Variants in TANC1 observed in about 807,000 individuals in gnomAD.
TANC1 encodes protein TANC1.
A neutral mutation model predicts 149.7 loss-of-function variants in TANC1; 77 were observed. That is an observed-to-expected ratio of 0.51 (90% CI 0.43 to 0.62). The LOEUF is 0.62. TANC1 is among the 20% of genes least tolerant of loss of function. The pLI, the probability that TANC1 is intolerant of heterozygous loss-of-function variation, is 0.00. For synonymous variants in TANC1, 854 were observed against 925.0 expected, an observed-to-expected ratio of 0.92 and a Z score of 1.39; for missense variants, 1,985 against 2,321.8, an observed-to-expected ratio of 0.85 and a Z score of 2.98.
chr2:159,157,493 C>T (rs1476249250), intron 7 of TANC1, among the ~76,000 whole-genome samples: 1 of 152,122 alleles, frequency 6.6e-6, no homozygotes, highest in Non-Finnish European at 1.5e-5. Context: ...TGTGGGTGCA[C>T]AAGAGAGGGA....
At chr2:159,033,181 AGCAGTGGTTTT>A (rs1342836700) in intron 2 of TANC1, among the ~76,000 whole-genome samples, 1 of 152,170 alleles carries the variant, frequency 6.6e-6, no homozygotes. Flanking sequence ...CCCGATTAAA[AGCAGTGGTTTT>A]GCATCTTGTG....
At chr2:159,073,369 A>G (rs769966121) in intron 3 of TANC1, among the ~76,000 whole-genome samples, 1 of 152,184 alleles carries the variant, frequency 6.6e-6, no homozygotes, top group Admixed American at 6.5e-5. Context: ...GGTGGGGGGC[A>G]TACTTGGAGA....
intron 2 of TANC1, among the ~76,000 whole-genome samples, chr2:159,035,206 G>T (rs1463907183): frequency 6.6e-6 from 1 of 151,642 alleles, no homozygotes; most frequent in Non-Finnish European, 1.5e-5. Flanking sequence ...TCTCTATGAA[G>T]TTTTTTTTTG....
At chr2:159,093,985 A>G (rs374492288) in intron 3 of TANC1, among the ~76,000 whole-genome samples, 6 of 152,196 alleles carry the variant, frequency 3.9e-5, no homozygotes, top group African/African-American at 1.4e-4. Flanking sequence ...CTCTTGTGTC[A>G]TGTTGGAGAA....
At position 159,230,211 on chromosome 2, in the gene TANC1, C is replaced by T; in HGVS notation, c.4785C>T (p.Gly1595=). 6.2e-7 allele frequency: 1 copy of T among 1,613,972 alleles called. No individual in the cohort carries two copies. The highest frequency in any genetic ancestry group is 8.5e-7 in the Non-Finnish European group (1 of 1,180,026). The change falls in exon 27 of 27, where the codon GGC becomes GGT. Residue 1595 remains glycine (G), a synonymous_variant. Transcript: ENST00000263635. The surrounding 1 kb of genome is among the most constrained non-coding windows in gnomAD (Gnocchi z 4.4). ...TGTFTTRAGC[G]HFGDRLGPSQ... is the part of the protein sequence containing the mutation. ...CTTTCACTACAAGAGCTGGTTGTGG[C>T]CACTTTGGGGATCGGCTGGGCCCCA...
chr2:159,123,206 A>G (rs537163943), intron 4 of TANC1, among the ~76,000 whole-genome samples: 2 of 152,170 alleles, frequency 1.3e-5, no homozygotes, highest in East Asian at 3.9e-4. Context: ...AGGTGTGAGG[A>G]TGGGGCTGAA....
chr2:159,127,543 G>A (rs1386309574), intron 4 of TANC1, among the ~76,000 whole-genome samples: 1 of 152,250 alleles, frequency 6.6e-6, no homozygotes, highest in Non-Finnish European at 1.5e-5. Flanking sequence ...TAGTAAAGAT[G>A]TGGAATCAAC....
intron 1 of TANC1, among the ~76,000 whole-genome samples, chr2:158,975,994 T>C (rs2033618408): frequency 1.3e-5 from 2 of 151,130 alleles, no homozygotes; most frequent in African/African-American, 4.9e-5. Context: ...CCACCACACC[T>C]GGCTAATTTT....
At chr2:158,969,122 T>C (rs919528258) in intron 1 of TANC1, among the ~76,000 whole-genome samples, 1 of 152,170 alleles carries the variant, frequency 6.6e-6, no homozygotes, top group Non-Finnish European at 1.5e-5. Flanking sequence ...GCTCGAGTTC[T>C]GGGACCACCC....
intron 5 of TANC1, among the ~76,000 whole-genome samples, chr2:159,146,831 G>A (rs1013711235): frequency 2.6e-5 from 4 of 151,966 alleles, no homozygotes; most frequent in Non-Finnish European, 5.9e-5. Flanking sequence ...GTGAGCCACC[G>A]CACCCGGCTT....
chr2:159,175,754 G>A (rs1424987813), intron 12 of TANC1, among the ~76,000 whole-genome samples: 1 of 152,228 alleles, frequency 6.6e-6, no homozygotes, highest in Non-Finnish European at 1.5e-5. Context: ...TCTGCTGGAA[G>A]GTGCTAGAGG....
chr2:159,128,575 C>T (rs1297030854), intron 4 of TANC1, among the ~76,000 whole-genome samples: 1 of 152,178 alleles, frequency 6.6e-6, no homozygotes, highest in Non-Finnish European at 1.5e-5. Context: ...GAGGCTCTTA[C>T]CCTGTAAGAT....
chr2:159,059,538 A>C lies in TANC1; in HGVS notation c.-15-6358A>C, dbSNP rs141624112. On this transcript the variant is annotated intron_variant, in intron 2 of 26. Coordinates refer to ENST00000263635, the MANE Select transcript of TANC1 (RefSeq NM_033394.3). ...CCAAATATATAAAAAAAAAAGAAGA[A>C]CCAAAGGCCAATTCTTTACTTATCA... Among the ~76,000 whole-genome samples, 143 of 152,024 alleles carry C rather than the reference A, an allele frequency of 9.4e-4. 1 individual carries two copies. Among genetic ancestry groups the C allele is most frequent in the African/African-American group, 3.3e-3 (138 of 41,494 alleles).
chr2:159,175,611 A>G lies in TANC1; in HGVS notation c.1735+427A>G, dbSNP rs139296842. Among the ~76,000 whole-genome samples the G allele has an allele frequency of 2.9e-3, 435 of 152,318 alleles. 3 individuals are homozygous for G. Among genetic ancestry groups the G allele is most frequent in the African/African-American group, 9.1e-3 (380 of 41,568 alleles). On this transcript the variant is annotated intron_variant, in intron 12 of 26. Transcript: ENST00000263635. ...GAATTGAAACCTTAAAGTGACTTCT[A>G]AAGGTTTCCATTTTAATTGTTTGTC...
intron 2 of TANC1, among the ~76,000 whole-genome samples, chr2:159,016,253 C>A (rs2038253836): frequency 6.6e-6 from 1 of 152,148 alleles, no homozygotes; most frequent in Non-Finnish European, 1.5e-5. Flanking sequence ...AAAGCAGAAA[C>A]CCCTAATAAA....
intron 4 of TANC1, among the ~76,000 whole-genome samples, chr2:159,101,312 A>T (rs2046675170): frequency 3.9e-5 from 6 of 152,234 alleles, no homozygotes; most frequent in Admixed American, 2.6e-4. Flanking sequence ...AGACACTCTG[A>T]ACAACACAGC....
chr2:159,218,006 C>G (rs562753701), intron 20 of TANC1, among the ~76,000 whole-genome samples: 1 of 152,208 alleles, frequency 6.6e-6, no homozygotes, highest in Non-Finnish European at 1.5e-5. Context: ...CTTTTGTGCT[C>G]TTTGGAAAAG....
chr2:159,040,424 A>G (rs953554046), intron 2 of TANC1, among the ~76,000 whole-genome samples: 3 of 152,158 alleles, frequency 2.0e-5, no homozygotes, highest in Non-Finnish European at 2.9e-5. Context: ...GTCTTTTCAC[A>G]TAGTCCCATA....
chr2:159,222,662 A>T (rs912235395), intron 22 of TANC1, among the ~76,000 whole-genome samples: 1 of 152,142 alleles, frequency 6.6e-6, no homozygotes, highest in African/African-American at 2.4e-5. Context: ...GGTTGCTTCT[A>T]TGTTTTTTGC....
Sources: gnomAD v4.1 joint callset for allele counts (sites outside exome capture counted in the v4.1 genomes callset) on GRCh38, gnomAD v4.1.1 for gene constraint, Gnocchi (gnomAD v3.1) non-coding constraint, MANE v1.5 for transcripts, NCBI Gene and HGNC (gene_info 2026-07-23, HGNC 2026-07-21) for gene names.